Variants in ITGB8 observed in about 807,000 individuals in gnomAD.
The protein encoded by ITGB8 is integrin beta-8.
Under a neutral mutation model 89.5 loss-of-function variants are expected in ITGB8, and 30 were observed. That is an observed-to-expected ratio of 0.34 (90% CI 0.25 to 0.45). ITGB8 has a LOEUF of 0.45. Ranked by LOEUF, ITGB8 falls within the 20% of genes least tolerant of loss-of-function variation. The probability of loss-of-function intolerance (pLI) is 1.00; values close to 1 mark genes in which losing one functional copy is unlikely to be tolerated. For missense variants in ITGB8, 836 were observed against 933.3 expected (o/e 0.90, Z 1.36); for synonymous variants, 335 against 320.4 (o/e 1.05, Z -0.49).
intron 1 of ITGB8, among the ~76,000 whole-genome samples, chr7:20,333,248 T>C (rs1459966448): frequency 6.6e-6 from 1 of 152,214 alleles, no homozygotes; most frequent in Non-Finnish European, 1.5e-5. Context: ...TTATCTGAAA[T>C]GGAGAAATTA....
intron 3 of ITGB8, 35 bp downstream of exon 3, chr7:20,367,221 T>A: frequency 1.3e-6 from 2 of 1,491,386 alleles, no homozygotes; most frequent in Non-Finnish European, 1.9e-6. Context: ...ATAATGATTC[T>A]TAACTTGAAA....
chr7:20,337,663 G>T (rs1053384369), intron 1 of ITGB8, among the ~76,000 whole-genome samples: 1 of 152,190 alleles, frequency 6.6e-6, no homozygotes, highest in South Asian at 2.1e-4. Flanking sequence ...ATTCCGATCT[G>T]TGTGGTTTGA....
At chr7:20,346,600 G>C in intron 1 of ITGB8, 1 of 510,304 alleles carries the variant, frequency 2.0e-6, no homozygotes, top group Non-Finnish European at 2.5e-6. Context: ...CTTAGGGAAG[G>C]AAGAGACAAG....
Position 20,410,128 on chromosome 7 carries a change from G to A in ITGB8, c.*131G>A, listed in dbSNP as rs565229134. Reference sequence around the variant, plus strand: ...CCAGTTGCTGGTTGTACACTCGAACGAAGACTGACAAGTATCCTCATCATG... The same window carrying A: ...CCAGTTGCTGGTTGTACACTCGAACAAAGACTGACAAGTATCCTCATCATG... On this transcript the variant is annotated 3_prime_UTR_variant, in exon 14 of 14. Coordinates refer to ENST00000222573, the MANE Select transcript of ITGB8 (RefSeq NM_002214.3). 6 of 846,042 alleles carry A rather than the reference G, an allele frequency of 7.1e-6. No homozygotes were observed. The highest frequency in any genetic ancestry group is 5.3e-5 in the South Asian group (3 of 56,508). 52.4% of individuals were successfully genotyped at this position (846,042 alleles called of 1,614,324 possible). A position where few individuals can be genotyped will look rare whatever the true frequency, so the allele number is the denominator to read the frequency against.
At chr7:20,406,198 A>C (rs761586093) in intron 12 of ITGB8, 27 bp downstream of exon 12, 1 of 1,296,048 alleles carries the variant, frequency 7.7e-7, no homozygotes, top group Non-Finnish European at 1.1e-6. Context: ...TAATCAAAGC[A>C]CAGAAGAGTG....
chr7:20,392,829 A>G (rs543212600), intron 7 of ITGB8, among the ~76,000 whole-genome samples: 18 of 152,224 alleles, frequency 1.2e-4, no homozygotes, highest in Non-Finnish European at 2.1e-4. Context: ...ACCCAAATGT[A>G]TATACCATGG....
At chr7:20,376,434 G>T (rs1216066598) in intron 3 of ITGB8, among the ~76,000 whole-genome samples, 1 of 152,088 alleles carries the variant, frequency 6.6e-6, no homozygotes, top group African/African-American at 2.4e-5. Context: ...ATGAGATCAC[G>T]TACAAAGGTT....
At chr7:20,363,173 C>G (rs1468236579) in intron 1 of ITGB8, among the ~76,000 whole-genome samples, 2 of 152,116 alleles carry the variant, frequency 1.3e-5, no homozygotes, top group Non-Finnish European at 2.9e-5. Context: ...TCAGAAAATT[C>G]ATTCACTGTG....
At chr7:20,342,048 T>C (rs1307921837) in intron 1 of ITGB8, among the ~76,000 whole-genome samples, 2 of 152,192 alleles carry the variant, frequency 1.3e-5, no homozygotes, top group Non-Finnish European at 2.9e-5. Context: ...TCTCCTATAC[T>C]GCGTAATTAT....
intron 1 of ITGB8, among the ~76,000 whole-genome samples, chr7:20,357,325 T>C (rs1785331352): frequency 6.6e-6 from 1 of 152,198 alleles, no homozygotes; most frequent in African/African-American, 2.4e-5. Context: ...TTTTACTTAA[T>C]AGCCATTTTT....
rs189437020 is a variant in ITGB8 at position 20,350,390 on chromosome 7, T to A, written c.128-13247T>A. 7.5e-3 allele frequency among the ~76,000 whole-genome samples: 1,149 copies of A among 152,304 alleles called. 21 individuals are homozygous for A. Among genetic ancestry groups the A allele is most frequent in the African/African-American group, 0.026 (1,082 of 41,562 alleles). On this transcript the variant is annotated intron_variant, in intron 1 of 13. Transcript: ENST00000222573. ...CTTGAACTCCTGACCTCAGGTGATCTGCCCGCCTCTGCCTCCCAAAGTGCT... is the reference window on the plus strand; with the variant it reads ...CTTGAACTCCTGACCTCAGGTGATCAGCCCGCCTCTGCCTCCCAAAGTGCT...
chr7:20,335,216 A>T (rs1784535989), intron 1 of ITGB8, among the ~76,000 whole-genome samples: 2 of 152,234 alleles, frequency 1.3e-5, no homozygotes, highest in Admixed American at 1.3e-4. Flanking sequence ...GAATTTTTTT[A>T]AAAACTGAAA....
rs117530376 is a variant in ITGB8, at chr7:20,402,405, C to T, written c.1687+279C>T. Among the ~76,000 whole-genome samples, 725 of 152,044 alleles carry T rather than the reference C, an allele frequency of 4.8e-3. 16 individuals carry two copies. Among genetic ancestry groups the T allele is most frequent in the East Asian group, 0.042 (216 of 5,166 alleles). ...TCCTTGATCTTGGAAAGAAATATAC[C>T]AGAAAAGGAAATGCTGATGATATCT... On this transcript the variant is annotated intron_variant, in intron 10 of 13. Coordinates refer to ENST00000222573, the MANE Select transcript of ITGB8 (RefSeq NM_002214.3).
chr7:20,366,990 T>G, intron 2 of ITGB8, 22 bp from the exon 3 acceptor site: 3 of 1,573,554 alleles, frequency 1.9e-6, no homozygotes, highest in Non-Finnish European at 2.6e-6. Context: ...AAAACATCAG[T>G]GATTTTCTTT....
At chr7:20,406,341 A>G (rs1230623448) in intron 12 of ITGB8, among the ~76,000 whole-genome samples, 170 bp downstream of exon 12, 1 of 152,212 alleles carries the variant, frequency 6.6e-6, no homozygotes, top group African/African-American at 2.4e-5. Context: ...ACCTGAGGTC[A>G]GGAGTTCCAG....
chr7:20,405,974 TA>T (rs1787523731), intron 11 of ITGB8, 87 bp from the exon 12 acceptor site: 2 of 781,994 alleles, frequency 2.6e-6, no homozygotes, highest in African/African-American at 3.5e-5. Context: ...TCTGCATTGT[TA>T]TTTTGTCTTT....
intron 6 of ITGB8, among the ~76,000 whole-genome samples, chr7:20,385,733 T>G (rs1009939506): frequency 7.9e-5 from 12 of 152,352 alleles, no homozygotes; most frequent in African/African-American, 2.9e-4. Context: ...TATACTTAAT[T>G]TTTCCAGGAC....
chr7:20,393,159 A>T (rs941445640), intron 7 of ITGB8, among the ~76,000 whole-genome samples: 10 of 152,202 alleles, frequency 6.6e-5, no homozygotes. Flanking sequence ...TTGAAATACC[A>T]TGCAGCTTTT....
chr7:20,396,221 G>A (rs1388858796), intron 8 of ITGB8, among the ~76,000 whole-genome samples: 3 of 152,012 alleles, frequency 2.0e-5, no homozygotes, highest in Admixed American at 6.6e-5. Context: ...GGTGGATCAC[G>A]AGGTCAGGAG....
Sources: gnomAD v4.1 joint callset for allele counts (sites outside exome capture counted in the v4.1 genomes callset) on GRCh38, gnomAD v4.1.1 for gene constraint, MANE v1.5 for transcripts, NCBI Gene and HGNC (gene_info 2026-07-23, HGNC 2026-07-21) for gene names.